HAUS6: variants seen among roughly 807,000 people sequenced by gnomAD.
The protein encoded by HAUS6 is HAUS augmin like complex subunit 6.
In HAUS6, 80 loss-of-function variants were observed where a neutral mutation model predicts 106.8. The observed-to-expected ratio is 0.75, with a 90% confidence interval of 0.63 to 0.90. The LOEUF is 0.90. Among genes scored for constraint, HAUS6 ranks in the 40% least tolerant of loss-of-function variants. HAUS6 has a pLI of 0.00. For synonymous variants in HAUS6, 356 were observed against 379.1 expected, an observed-to-expected ratio of 0.94 and a Z score of 0.71; for missense variants, 1,155 against 1,118.1, an observed-to-expected ratio of 1.03 and a Z score of -0.47.
chr9:19,092,618 G>GGAA (rs1197567689), intron 4 of HAUS6, among the ~76,000 whole-genome samples: 1 of 55,018 alleles, frequency 1.8e-5, no homozygotes, highest in Non-Finnish European at 3.2e-5. Flanking sequence ...CTCCGTCTCG[G>GGAA]AAAAAAAAAA....
At chr9:19,089,342 C>G (rs1564018842) in intron 5 of HAUS6, 70 bp downstream of exon 5, 4 of 979,514 alleles carry the variant, frequency 4.1e-6, no homozygotes, top group Non-Finnish European at 6.4e-6. Flanking sequence ...GATTATTTCT[C>G]CTGACATTAT....
chr9:19,074,470 CT>C (rs1836948202), intron 11 of HAUS6, among the ~76,000 whole-genome samples: 1 of 152,052 alleles, frequency 6.6e-6, no homozygotes, highest in Non-Finnish European at 1.5e-5. Flanking sequence ...ATGGGTCTCA[CT>C]ATGTTGTCCA....
chr9:19,056,546 C>G, intron 16 of HAUS6, 142 bp from the exon 17 acceptor site: 1 of 590,414 alleles, frequency 1.7e-6, no homozygotes, highest in East Asian at 2.8e-5. Flanking sequence ...TATTATTATT[C>G]TCACCAAAGT....
intron 13 of HAUS6, 119 bp from the exon 14 acceptor site, chr9:19,063,312 A>G (rs760317604): frequency 2.0e-5 from 14 of 716,040 alleles, no homozygotes; most frequent in Non-Finnish European, 2.3e-6. Context: ...TACTATTGTG[A>G]AATTGTATGT....
intron 12 of HAUS6, among the ~76,000 whole-genome samples, chr9:19,067,564 A>G (rs1187013080): frequency 6.6e-6 from 1 of 152,250 alleles, no homozygotes; most frequent in Non-Finnish European, 1.5e-5. Flanking sequence ...TGGAAATCAA[A>G]GTATATCTAA....
chr9:19,070,826 T>C (rs1457559523), intron 11 of HAUS6, among the ~76,000 whole-genome samples: 6 of 152,238 alleles, frequency 3.9e-5, no homozygotes, highest in African/African-American at 7.2e-5. Flanking sequence ...GTTATACTTC[T>C]ACAGTATTAT....
In HAUS6 at chr9:19,098,878, A is replaced by G. The variant is rs942343555; in HGVS notation, c.129-2109T>C. 3.3e-5 allele frequency among the ~76,000 whole-genome samples: 5 copies of G among 151,880 alleles called. 1 individual carries two copies. Among genetic ancestry groups the G allele is most frequent in the Admixed American group, 1.3e-4 (2 of 15,250 alleles). ...TCTCTACTAAAAATACAAAATTAGC[A>G]GGGCATGGTGGCGCATGCCTAAAAT... On this transcript the variant is annotated intron_variant, in intron 1 of 16. Coordinates refer to ENST00000380502, the MANE Select transcript of HAUS6 (RefSeq NM_017645.5).
intron 2 of HAUS6, among the ~76,000 whole-genome samples, 199 bp downstream of exon 2, chr9:19,096,475 G>C (rs1817864316): frequency 7.0e-6 from 1 of 143,226 alleles, no homozygotes. Flanking sequence ...TGAGACAGGA[G>C]AATTTCTTGA....
In HAUS6 at chr9:19,055,521, A is replaced by C. The variant is rs1257112763; in HGVS notation, c.*822T>G. The C allele has an allele frequency of 1.3e-5, 2 of 152,250 alleles. No homozygotes were observed. The highest frequency in any genetic ancestry group is 2.9e-5 in the Non-Finnish European group (2 of 68,044). The allele number at this position is 152,250 out of a possible 1,614,324, so 9.4% of individuals were successfully genotyped here. A position where few individuals can be genotyped will look rare whatever the true frequency, so the allele number is the denominator to read the frequency against. On this transcript the variant is annotated 3_prime_UTR_variant, in exon 17 of 17. Coordinates refer to ENST00000380502, the MANE Select transcript of HAUS6 (RefSeq NM_017645.5). ...CAGGGAGTACCTCACAAAAAAACCCAACAACAAAACAGACTAATGAAAATT... is the reference window on the plus strand; with the variant it reads ...CAGGGAGTACCTCACAAAAAAACCCCACAACAAAACAGACTAATGAAAATT...
In HAUS6 at chr9:19,058,329, A is replaced by C; in HGVS notation, c.2438T>G (p.Leu813Arg). ...PNSPMHGGTL[L>R]EDVVGGRQTT... The stretch of plus-strand genomic sequence containing the variant: ...CTGTCTCCCTCCCACAACATCTTCT[A>C]GAAGAGTGCCACCATGCATAGGACT... The change falls in exon 16 of 17, where the codon CTA becomes CGA. Residue 813 changes from leucine (L) to arginine (R), a missense_variant. Around this residue, in one of 3 missense-constraint regions of HAUS6, gnomAD observed 380 missense variants for 394.8 expected, o/e 0.96. Coordinates refer to ENST00000380502, the MANE Select transcript of HAUS6 (RefSeq NM_017645.5). 1 of 1,613,842 alleles carries C rather than the reference A, an allele frequency of 6.2e-7. No homozygotes were observed. Among genetic ancestry groups the C allele is most frequent in the South Asian group, 1.1e-5 (1 of 91,072 alleles).
intron 8 of HAUS6, among the ~76,000 whole-genome samples, chr9:19,080,971 C>T (rs1205960367): frequency 6.6e-6 from 1 of 152,024 alleles, no homozygotes. Flanking sequence ...ACTCCAGAGG[C>T]TGAGGCAGGA....
In HAUS6 at chr9:19,086,716, T is replaced by C. The variant is rs2131141758; in HGVS notation, c.699+18A>G. On this transcript the variant is annotated intron_variant, in intron 7 of 16. Coordinates refer to ENST00000380502, the MANE Select transcript of HAUS6 (RefSeq NM_017645.5). Reference sequence around the variant, plus strand: ...GAATTTTAAAAGATTAAATTTCTCCTTTTATAAGTTGTCTCACCTTTTGAA... The same window carrying C: ...GAATTTTAAAAGATTAAATTTCTCCCTTTATAAGTTGTCTCACCTTTTGAA... 3 of 1,104,860 alleles carry C rather than the reference T, an allele frequency of 2.7e-6. No individual in the cohort carries two copies. In the East Asian group the frequency reaches 7.1e-5, roughly 26 times the overall value. The allele number at this position is 1,104,860 out of a possible 1,614,324, so 68.4% of individuals were successfully genotyped here. A position where few individuals can be genotyped will look rare whatever the true frequency, so the allele number is the denominator to read the frequency against.
chr9:19,088,878 AAAATAAAT>A (rs746603428), intron 5 of HAUS6, among the ~76,000 whole-genome samples: 1 of 152,130 alleles, frequency 6.6e-6, no homozygotes, highest in Non-Finnish European at 1.5e-5. Context: ...ACTCCATCCC[AAAATAAAT>A]AAATAAATAA....
At chr9:19,089,746 TAAGAAA>T in intron 4 of HAUS6, 187 bp from the exon 5 acceptor site, 1 of 531,012 alleles carries the variant, frequency 1.9e-6, no homozygotes. Context: ...ATTTCAATAT[TAAGAAA>T]TTAAATTAAC....
chr9:19,062,195 A>G (rs1320299758), intron 14 of HAUS6, among the ~76,000 whole-genome samples: 1 of 152,238 alleles, frequency 6.6e-6, no homozygotes, highest in East Asian at 1.9e-4. Context: ...TAGGAAAATC[A>G]AGTTCATGAA....
intron 4 of HAUS6, among the ~76,000 whole-genome samples, chr9:19,091,968 T>TAAA (rs1190144095): frequency 3.3e-5 from 5 of 150,580 alleles, no homozygotes; most frequent in Admixed American, 3.3e-4. Flanking sequence ...AGCCAAAAAA[T>TAAA]AAACATTTTT....
At chr9:19,063,365 A>C in intron 13 of HAUS6, 149 bp downstream of exon 13, 6 of 595,560 alleles carry the variant, frequency 1.0e-5, no homozygotes, top group Middle Eastern at 4.3e-4. Context: ...ACTTAGCAAT[A>C]AGGAATATAA....
intron 11 of HAUS6, among the ~76,000 whole-genome samples, chr9:19,074,498 C>CAG: frequency 1.3e-5 from 2 of 152,088 alleles, no homozygotes; most frequent in African/African-American, 4.8e-5. Flanking sequence ...TCTCGAACTC[C>CAG]TGGGCTTAAG....
chr9:19,091,322 C>T (rs1277252304), intron 4 of HAUS6, among the ~76,000 whole-genome samples: 1 of 150,712 alleles, frequency 6.6e-6, no homozygotes, highest in African/African-American at 2.4e-5. Context: ...AAAGAAACCA[C>T]CAAAATTTCT....
Sources: gnomAD v4.1 joint callset for allele counts (sites outside exome capture counted in the v4.1 genomes callset) on GRCh38, gnomAD v4.1.1 for gene constraint, gnomAD v4.1.1 regional missense constraint, MANE v1.5 for transcripts, NCBI Gene and HGNC (gene_info 2026-07-23, HGNC 2026-07-21) for gene names.